Variants in MAPK10 observed in about 807,000 individuals in gnomAD.
MAPK10 encodes the protein mitogen-activated protein kinase 10, also known as JNK3 alpha protein kinase.
MAPK10 carries 25 observed loss-of-function variants against 59.3 expected under a neutral mutation model. That is an observed-to-expected ratio of 0.42 (90% CI 0.31 to 0.59). The LOEUF (loss-of-function observed/expected upper bound fraction) is 0.59, where lower values mean the gene tolerates loss of function less well. Ranked by LOEUF, MAPK10 falls within the 20% of genes least tolerant of loss-of-function variation. The pLI is 0.15. For synonymous variants in MAPK10, 190 were observed against 200.5 expected, an observed-to-expected ratio of 0.95 and a Z score of 0.44; for missense variants, 351 against 568.9, an observed-to-expected ratio of 0.62 and a Z score of 3.90.
intron 3 of MAPK10, among the ~76,000 whole-genome samples, chr4:86,182,735 T>TA (rs1228117745): frequency 6.6e-6 from 1 of 152,278 alleles, no homozygotes; most frequent in South Asian, 2.1e-4. Context: ...TAAGTGTTTT[T>TA]ATCAGAGAAA....
intron 1 of MAPK10, among the ~76,000 whole-genome samples, chr4:86,395,673 A>T (rs933155334): frequency 1.3e-5 from 2 of 152,132 alleles, no homozygotes; most frequent in Non-Finnish European, 2.9e-5. Flanking sequence ...TAAAGGAGAG[A>T]TATTCATTTC....
At chr4:86,531,690 G>A (rs555373410) in intron 1 of MAPK10, among the ~76,000 whole-genome samples, 10 of 152,272 alleles carry the variant, frequency 6.6e-5, no homozygotes, top group Admixed American at 1.3e-4. Context: ...TGTGAAATGG[G>A]GACAGGATTT....
chr4:86,316,831 A>G (rs986995333), intron 2 of MAPK10, among the ~76,000 whole-genome samples: 2 of 152,120 alleles, frequency 1.3e-5, no homozygotes, highest in Non-Finnish European at 2.9e-5. Context: ...AGCCATCCTA[A>G]CGGCATTAGC....
chr4:86,443,525 C>T (rs1193401099), intron 1 of MAPK10, among the ~76,000 whole-genome samples: 1 of 151,092 alleles, frequency 6.6e-6, no homozygotes, highest in Admixed American at 6.6e-5. Context: ...CCGAGAAGCA[C>T]TTGTGAAGTT....
chr4:86,591,777 T>C (rs1435404026), intron 1 of MAPK10, among the ~76,000 whole-genome samples: 1 of 152,224 alleles, frequency 6.6e-6, no homozygotes, highest in African/African-American at 2.4e-5. Context: ...TGCAAACAAA[T>C]GACAACCCTG....
intron 2 of MAPK10, among the ~76,000 whole-genome samples, chr4:86,212,337 T>C (rs1017355191): frequency 2.6e-5 from 4 of 151,528 alleles, no homozygotes; most frequent in Non-Finnish European, 4.4e-5. Flanking sequence ...GGGCAACATA[T>C]CAAGACCTTG....
intron 9 of MAPK10, among the ~76,000 whole-genome samples, chr4:86,071,721 T>A (rs1339726318): frequency 6.6e-6 from 1 of 151,376 alleles, no homozygotes; most frequent in Admixed American, 6.6e-5. Flanking sequence ...GCGTTATTTC[T>A]GAGGGCTCTG....
chr4:86,018,355 C>CA (rs34741254), intron 13 of MAPK10, among the ~76,000 whole-genome samples: 36,950 of 140,750 alleles, frequency 0.26, 5,514 homozygotes, highest in African/African-American at 0.42. Flanking sequence ...ATGAAAGTTA[C>CA]AAAAAAAAAA....
chr4:86,077,198 T>C (rs1561399411), intron 9 of MAPK10, among the ~76,000 whole-genome samples: 1 of 152,138 alleles, frequency 6.6e-6, no homozygotes, highest in Non-Finnish European at 1.5e-5. Context: ...AATAGTATTA[T>C]AATAGAATAA....
intron 3 of MAPK10, among the ~76,000 whole-genome samples, chr4:86,185,405 CAGA>C (rs1481993965): frequency 6.6e-6 from 1 of 152,074 alleles, no homozygotes; most frequent in Non-Finnish European, 1.5e-5. Flanking sequence ...AAGTGGATAA[CAGA>C]AGAACATTTT....
chr4:86,069,765 G>A (rs1223383958), intron 9 of MAPK10, among the ~76,000 whole-genome samples: 1 of 151,858 alleles, frequency 6.6e-6, no homozygotes, highest in African/African-American at 2.4e-5. Context: ...TTAAAATAGA[G>A]GCAAAGAAGA....
intron 1 of MAPK10, among the ~76,000 whole-genome samples, chr4:86,535,849 T>A (rs1425687764): frequency 6.6e-6 from 1 of 152,210 alleles, no homozygotes; most frequent in Non-Finnish European, 1.5e-5. Flanking sequence ...TTGTCTATTA[T>A]AATCTGGTAC....
intron 1 of MAPK10, among the ~76,000 whole-genome samples, chr4:86,592,888 C>T (rs1006998273): frequency 6.6e-6 from 1 of 152,210 alleles, no homozygotes; most frequent in African/African-American, 2.4e-5. Flanking sequence ...CAAAGTTTGG[C>T]TGCACATTTT....
chr4:86,565,968 T>A (rs1761032724), intron 1 of MAPK10, among the ~76,000 whole-genome samples: 1 of 152,184 alleles, frequency 6.6e-6, no homozygotes, highest in Admixed American at 6.5e-5. Flanking sequence ...CCCCCAAGTC[T>A]CTTGTAACTT....
At chr4:86,581,896 A>G (rs1256839453) in intron 1 of MAPK10, among the ~76,000 whole-genome samples, 2 of 114,042 alleles carry the variant, frequency 1.8e-5, no homozygotes, top group African/African-American at 3.4e-5. Context: ...TAAGCTATAT[A>G]TATTATATAT....
chr4:86,520,366 A>G (rs914937002), intron 1 of MAPK10, among the ~76,000 whole-genome samples: 2 of 152,072 alleles, frequency 1.3e-5, no homozygotes, highest in Non-Finnish European at 2.9e-5. Flanking sequence ...CTTGTCTTCA[A>G]GTTCTGAAGT....
chr4:86,542,438 A>G (rs1173315241), intron 1 of MAPK10: 5 of 152,576 alleles, frequency 3.3e-5, no homozygotes. Context: ...AGCTGGACAC[A>G]GTGGTGTGTA....
intron 1 of MAPK10, among the ~76,000 whole-genome samples, chr4:86,562,407 G>A (rs1319068382): frequency 6.6e-6 from 1 of 152,128 alleles, no homozygotes; most frequent in Non-Finnish European, 1.5e-5. Context: ...CATGCTGCTA[G>A]GCTGGGTACA....
intron 9 of MAPK10, among the ~76,000 whole-genome samples, chr4:86,092,540 T>A (rs895422005): frequency 1.3e-5 from 2 of 151,976 alleles, no homozygotes; most frequent in Non-Finnish European, 2.9e-5. Context: ...AAGGTAGTAG[T>A]AGTAAGCCTT....
Sources: gnomAD v4.1 joint callset for allele counts (sites outside exome capture counted in the v4.1 genomes callset) on GRCh38, gnomAD v4.1.1 for gene constraint, MANE v1.5 for transcripts, NCBI Gene and HGNC (gene_info 2026-07-23, HGNC 2026-07-21) for gene names.